OR8I2: variants seen among roughly 807,000 people sequenced by gnomAD.
The protein encoded by OR8I2 is olfactory receptor 8I2.
For missense variants in OR8I2, 431 were observed against 368.3 expected (o/e 1.17, Z -1.39); for synonymous variants, 158 against 142.8 (o/e 1.11, Z -0.76).
In OR8I2 at chr11:56,093,346, CCT is replaced by C; in HGVS notation, c.44_45del (p.Ser15TrpfsTer7). 4 of 1,602,698 alleles carry C rather than the reference CCT, an allele frequency of 2.5e-6. No individual in the cohort carries two copies. The Admixed American group carries it at 5.1e-5, about 20-fold the overall frequency. ...ATTTCACTGAGGTTACCGTCTTCAT[CCT>C]CTCTGGATTTGCAAATCACCCTGAA... ...NNFTEVTVFI[L>X]SGFANHPELQ... On this transcript the variant is annotated frameshift_variant, in exon 1 of 1. Coordinates refer to ENST00000302124, the MANE Select transcript of OR8I2 (RefSeq NM_001003750.1). LOFTEE classifies it low-confidence loss of function (END_TRUNC).
chr11:56,093,619 T>G lies in OR8I2; in HGVS notation c.312T>G (p.Phe104Leu). The G allele has an allele frequency of 1.9e-6, 3 of 1,614,004 alleles. No individual in the cohort carries two copies. The highest frequency in any genetic ancestry group is 1.7e-4 in the Middle Eastern group (1 of 6,060). ...GCTGCTTTGTTCAAATGTACTTTTT[T>G]GTTGGATTGGTGTGTTGTGAGTGTT... is the stretch of plus-strand genomic sequence containing the variant. ...FVGCFVQMYF[F>L]VGLVCCECFL... The change falls in exon 1 of 1, where the codon TTT becomes TTG. Residue 104 changes from phenylalanine to leucine, a missense_variant. Transcript: ENST00000302124.
chr11:56,093,592 T>G lies in OR8I2; in HGVS notation c.285T>G (p.Val95=). Residue 95 remains valine (V), a synonymous_variant, in exon 1 of 1, where the codon GTT becomes GTG. Coordinates refer to ENST00000302124, the MANE Select transcript of OR8I2 (RefSeq NM_001003750.1). ...CCAATCGGAGATCCATCTCCTTTGTTGGCTGCTTTGTTCAAATGTACTTTT... is the reference window on the plus strand; with the variant it reads ...CCAATCGGAGATCCATCTCCTTTGTGGGCTGCTTTGTTCAAATGTACTTTT... ...FQSNRRSISF[V]GCFVQMYFFV... The G allele has an allele frequency of 6.2e-7, 1 of 1,614,012 alleles. No homozygotes were observed. The highest frequency in any genetic ancestry group is 8.5e-7 in the Non-Finnish European group (1 of 1,179,964).
In OR8I2 at chr11:56,094,054, C is replaced by G. The variant is rs761477718; in HGVS notation, c.747C>G (p.Ile249Met). ...TCASHLMAVTIFYGSLIFTYL... is the reference protein window; with the variant it reads ...TCASHLMAVTMFYGSLIFTYL... ...CATCCCACCTCATGGCTGTAACTATCTTTTATGGGTCTCTGATTTTCACCT... is the reference window on the plus strand; with the variant it reads ...CATCCCACCTCATGGCTGTAACTATGTTTTATGGGTCTCTGATTTTCACCT... Residue 249 changes from isoleucine to methionine, a missense_variant, in exon 1 of 1, where the codon ATC becomes ATG. Transcript: ENST00000302124. 2 of 1,614,024 alleles carry G rather than the reference C, an allele frequency of 1.2e-6. No homozygotes were observed. Among genetic ancestry groups the G allele is most frequent in the Non-Finnish European group, 1.7e-6 (2 of 1,180,004 alleles).
In OR8I2 at chr11:56,094,104, C is replaced by T. The variant is rs116327084; in HGVS notation, c.797C>T (p.Ser266Leu). 559 of 1,613,866 alleles carry T rather than the reference C, an allele frequency of 3.5e-4. 1 individual carries two copies. In the African/African-American group the frequency reaches 6.4e-3, roughly 18 times the overall value. The stretch of plus-strand genomic sequence containing the variant: ...TATTTGCAACCTGATAACACATCAT[C>T]GCTGACCCAGGCGCAGGTGGCATCT... Reference protein sequence around the residue: ...FTYLQPDNTSSLTQAQVASVF... With the variant: ...FTYLQPDNTSLLTQAQVASVF... The change falls in exon 1 of 1, where the codon TCG becomes TTG. Residue 266 changes from serine to leucine, a missense_variant. Coordinates refer to ENST00000302124, the MANE Select transcript of OR8I2 (RefSeq NM_001003750.1).
In OR8I2 at chr11:56,094,177, T is replaced by C; in HGVS notation, c.870T>C (p.Ser290=). 1 of 1,609,682 alleles carries C rather than the reference T, an allele frequency of 6.2e-7. No individual in the cohort carries two copies. ...CCATGCTGAATCCACTCATCTACAG[T>C]CTGAGGAACAAAGATGTGAAAAATG... ...VIPMLNPLIY[S]LRNKDVKNAL... The change falls in exon 1 of 1, where the codon AGT becomes AGC. Residue 290 remains serine, a synonymous_variant. Transcript: ENST00000302124.
chr11:56,093,948 C>A lies in OR8I2; in HGVS notation c.641C>A (p.Thr214Lys). Residue 214 changes from threonine (T) to lysine (K), a missense_variant, in exon 1 of 1, where the codon ACA becomes AAA. Thr to Lys is a moderately conservative substitution (Grantham distance 78). Coordinates refer to ENST00000302124, the MANE Select transcript of OR8I2 (RefSeq NM_001003750.1). ...FTLLSSLLII[T>K]VTYIIIISAI... The stretch of plus-strand genomic sequence containing the variant: ...CTTCTTAGCTCTCTCCTTATCATCA[C>A]AGTCACTTATATCATCATCATCTCA... 6.2e-7 allele frequency: 1 copy of A among 1,614,000 alleles called. No homozygotes were observed. The highest frequency in any genetic ancestry group is 1.3e-5 in the African/African-American group (1 of 75,022).
chr11:56,093,648 T>G lies in OR8I2; in HGVS notation c.341T>G (p.Leu114Arg), dbSNP rs1853911939. ...FVGLVCCECF[L>R]LGSMAYNRYI... ...GGATTGGTGTGTTGTGAGTGTTTCCTTCTGGGATCAATGGCCTACAATCGC... is the reference window on the plus strand; with the variant it reads ...GGATTGGTGTGTTGTGAGTGTTTCCGTCTGGGATCAATGGCCTACAATCGC... Residue 114 changes from leucine (L) to arginine (R), a missense_variant, in exon 1 of 1, where the codon CTT becomes CGT. Leu to Arg is a moderately radical substitution (Grantham distance 102, BLOSUM62 -2). Coordinates refer to ENST00000302124, the MANE Select transcript of OR8I2 (RefSeq NM_001003750.1). 1 of 1,613,916 alleles carries G rather than the reference T, an allele frequency of 6.2e-7. No homozygotes were observed. Among genetic ancestry groups the G allele is most frequent in the Non-Finnish European group, 8.5e-7 (1 of 1,179,988 alleles).
In OR8I2 at chr11:56,093,479, C is replaced by G. The variant is rs1403023999; in HGVS notation, c.172C>G (p.Pro58Ala). The G allele has an allele frequency of 1.9e-6, 3 of 1,613,866 alleles. No homozygotes were observed. Among genetic ancestry groups the G allele is most frequent in the Non-Finnish European group, 2.5e-6 (3 of 1,179,882 alleles). Residue 58 changes from proline (P) to alanine (A), a missense_variant, in exon 1 of 1, where the codon CCT becomes GCT. Coordinates refer to ENST00000302124, the MANE Select transcript of OR8I2 (RefSeq NM_001003750.1). ...CAGAATGGATTCTCAGCTTCACACC[C>G]CTATGTACTTTTTCCTGAGCAATTT... ...LIRMDSQLHTPMYFFLSNLAF... is the reference protein window; with the variant it reads ...LIRMDSQLHTAMYFFLSNLAF...
At position 56,093,632 on chromosome 11, in the gene OR8I2, T is replaced by C; in HGVS notation, c.325T>C (p.Cys109Arg). Residue 109 changes from cysteine to arginine, a missense_variant, in exon 1 of 1, where the codon TGT becomes CGT. Coordinates refer to ENST00000302124, the MANE Select transcript of OR8I2 (RefSeq NM_001003750.1). The part of the protein sequence containing the change: ...VQMYFFVGLV[C>R]CECFLLGSMA... ...AATGTACTTTTTTGTTGGATTGGTG[T>C]GTTGTGAGTGTTTCCTTCTGGGATC... 1 of 1,614,010 alleles carries C rather than the reference T, an allele frequency of 6.2e-7. No homozygotes were observed. Among genetic ancestry groups the C allele is most frequent in the Non-Finnish European group, 8.5e-7 (1 of 1,179,976 alleles).
In OR8I2 at chr11:56,093,785, G is replaced by C. The variant is rs1242341979; in HGVS notation, c.478G>C (p.Val160Leu). The C allele has an allele frequency of 1.2e-6, 2 of 1,613,628 alleles. No individual in the cohort carries two copies. The highest frequency in any genetic ancestry group is 1.7e-6 in the Non-Finnish European group (2 of 1,179,744). The change falls in exon 1 of 1, where the codon GTC becomes CTC. Residue 160 changes from valine to leucine, a missense_variant. Coordinates refer to ENST00000302124, the MANE Select transcript of OR8I2 (RefSeq NM_001003750.1). ...AGGCTTCACAAGCTCGCTGATATCT[G>C]TCTGGGTGATAAGCAGTTTGGCGTT... Reference protein sequence around the residue: ...VIGFTSSLISVWVISSLAFCD... With the variant: ...VIGFTSSLISLWVISSLAFCD...
rs750471721 is a variant in OR8I2, at chr11:56,093,500, A to C, written c.193A>C (p.Asn65His). The change falls in exon 1 of 1, where the codon AAT becomes CAT. Residue 65 changes from asparagine to histidine, a missense_variant. Transcript: ENST00000302124. ...CACCCCTATGTACTTTTTCCTGAGCAATTTAGCATTTATTGACATATTTTA... is the reference window on the plus strand; with the variant it reads ...CACCCCTATGTACTTTTTCCTGAGCCATTTAGCATTTATTGACATATTTTA... Reference protein sequence around the residue: ...LHTPMYFFLSNLAFIDIFYSS... With the variant: ...LHTPMYFFLSHLAFIDIFYSS... The C allele has an allele frequency of 1.9e-6, 3 of 1,613,878 alleles. No individual in the cohort carries two copies. The highest frequency in any genetic ancestry group is 1.1e-5 in the South Asian group (1 of 91,082).
chr11:56,093,737 C>A lies in OR8I2; in HGVS notation c.430C>A (p.Leu144Met). The change falls in exon 1 of 1, where the codon CTG becomes ATG. Residue 144 changes from leucine (L) to methionine (M), a missense_variant. Coordinates refer to ENST00000302124, the MANE Select transcript of OR8I2 (RefSeq NM_001003750.1). ...CATGTCCCAAAAAGTGTCCAACTGG[C>A]TGGGAGTAATGCCATATGTGATAGG... ...VVMSQKVSNW[L>M]GVMPYVIGFT... is the part of the protein sequence containing the mutation. 1.2e-6 allele frequency: 2 copies of A among 1,614,020 alleles called. No individual in the cohort carries two copies. The highest frequency in any genetic ancestry group is 1.7e-4 in the Middle Eastern group (1 of 6,058).
rs1286321949 is a variant in OR8I2, at chr11:56,093,613, C to CT, written c.312dup (p.Val105CysfsTer7). 1.1e-5 allele frequency: 18 copies of CT among 1,613,832 alleles called. No homozygotes were observed. Among genetic ancestry groups the CT allele is most frequent in the Non-Finnish European group, 1.4e-5 (17 of 1,179,974 alleles). ...TTGTTGGCTGCTTTGTTCAAATGTA[C>CT]TTTTTTGTTGGATTGGTGTGTTGTG... is the stretch of plus-strand genomic sequence containing the variant. On this transcript the variant is annotated frameshift_variant, in exon 1 of 1. Transcript: ENST00000302124. LOFTEE classifies it low-confidence loss of function (END_TRUNC).
Position 56,094,203 on chromosome 11 carries a change from C to G in OR8I2, c.896C>G (p.Ala299Gly). 1 of 1,597,052 alleles carries G rather than the reference C, an allele frequency of 6.3e-7. No individual in the cohort carries two copies. Among genetic ancestry groups the G allele is most frequent in the Non-Finnish European group, 8.6e-7 (1 of 1,168,694 alleles). The change falls in exon 1 of 1, where the codon GCT (alanine) becomes GGT (glycine). Residue 299 changes from alanine to glycine, a missense_variant. Coordinates refer to ENST00000302124, the MANE Select transcript of OR8I2 (RefSeq NM_001003750.1). The stretch of plus-strand genomic sequence containing the variant: ...CTGAGGAACAAAGATGTGAAAAATG[C>G]TCTTCTGAGAGTCATACATAGAAAA... ...YSLRNKDVKN[A>G]LLRVIHRKLF...
chr11:56,093,501 A>G lies in OR8I2; in HGVS notation c.194A>G (p.Asn65Ser). 1 of 1,613,880 alleles carries G rather than the reference A, an allele frequency of 6.2e-7. No homozygotes were observed. The change falls in exon 1 of 1, where the codon AAT (asparagine) becomes AGT (serine). Residue 65 changes from asparagine (N) to serine (S), a missense_variant. By Grantham distance (46) the Asn-to-Ser change is conservative. Coordinates refer to ENST00000302124, the MANE Select transcript of OR8I2 (RefSeq NM_001003750.1). ...ACCCCTATGTACTTTTTCCTGAGCAATTTAGCATTTATTGACATATTTTAC... is the reference window on the plus strand; with the variant it reads ...ACCCCTATGTACTTTTTCCTGAGCAGTTTAGCATTTATTGACATATTTTAC... ...LHTPMYFFLS[N>S]LAFIDIFYSS...
At position 56,093,337 on chromosome 11, in the gene OR8I2, C is replaced by T. The variant is rs776062641; in HGVS notation, c.30C>T (p.Thr10=). 5.7e-6 allele frequency: 9 copies of T among 1,592,522 alleles called. No homozygotes were observed. Among genetic ancestry groups the T allele is most frequent in the Admixed American group, 3.5e-5 (2 of 57,000 alleles). Residue 10 remains threonine, a synonymous_variant, in exon 1 of 1, where the codon ACC becomes ACT. Coordinates refer to ENST00000302124, the MANE Select transcript of OR8I2 (RefSeq NM_001003750.1). MAGNNFTEV[T]VFILSGFANH... ...CTGGCAACAATTTCACTGAGGTTAC[C>T]GTCTTCATCCTCTCTGGATTTGCAA... is the stretch of plus-strand genomic sequence containing the variant.
rs1445549018 is a variant in OR8I2 at position 56,093,465 on chromosome 11, C to A, written c.158C>A (p.Ser53Tyr). ...LGLITLIRMD[S>Y]QLHTPMYFFL... ...CTGATCACGTTAATCAGAATGGATT[C>A]TCAGCTTCACACCCCTATGTACTTT... Residue 53 changes from serine to tyrosine, a missense_variant, in exon 1 of 1, where the codon TCT becomes TAT. Ser to Tyr is a moderately radical substitution (Grantham distance 144). Coordinates refer to ENST00000302124, the MANE Select transcript of OR8I2 (RefSeq NM_001003750.1). The A allele has an allele frequency of 2.5e-6, 4 of 1,613,912 alleles. No homozygotes were observed. Among genetic ancestry groups the A allele is most frequent in the Admixed American group, 3.3e-5 (2 of 59,992 alleles).
Position 56,093,531 on chromosome 11 carries a change from C to T in OR8I2, c.224C>T (p.Ser75Phe). Residue 75 changes from serine (S) to phenylalanine (F), a missense_variant, in exon 1 of 1, where the codon TCT becomes TTT. Coordinates refer to ENST00000302124, the MANE Select transcript of OR8I2 (RefSeq NM_001003750.1). ...NLAFIDIFYS[S>F]TVTPKALVNF... is the part of the protein sequence containing the mutation. ...GCATTTATTGACATATTTTACTCCT[C>T]TACTGTAACACCTAAGGCATTGGTG... The T allele has an allele frequency of 6.2e-7, 1 of 1,613,950 alleles. No homozygotes were observed. Among genetic ancestry groups the T allele is most frequent in the African/African-American group, 1.3e-5 (1 of 75,042 alleles).
In OR8I2 at chr11:56,093,340, C is replaced by T. The variant is rs764865092; in HGVS notation, c.33C>T (p.Val11=). The T allele has an allele frequency of 2.5e-6, 4 of 1,600,392 alleles. No homozygotes were observed. The highest frequency in any genetic ancestry group is 1.3e-5 in the African/African-American group (1 of 74,586). The change falls in exon 1 of 1, where the codon GTC becomes GTT. Residue 11 remains valine, a synonymous_variant. Coordinates refer to ENST00000302124, the MANE Select transcript of OR8I2 (RefSeq NM_001003750.1). MAGNNFTEVT[V]FILSGFANHP... Reference sequence around the variant, plus strand: ...GCAACAATTTCACTGAGGTTACCGTCTTCATCCTCTCTGGATTTGCAAATC... The same window carrying T: ...GCAACAATTTCACTGAGGTTACCGTTTTCATCCTCTCTGGATTTGCAAATC...
Sources: gnomAD v4.1 joint callset for allele counts on GRCh38, gnomAD v4.1.1 for gene constraint, MANE v1.5 for transcripts, NCBI Gene and HGNC (gene_info 2026-07-23, HGNC 2026-07-21) for gene names.